Variants in FOCAD observed in about 807,000 individuals in gnomAD.
The protein encoded by FOCAD is KIAA1797.
A neutral mutation model predicts 225.6 loss-of-function variants in FOCAD; 198 were observed. The observed-to-expected ratio is 0.88, with a 90% confidence interval of 0.78 to 0.99. The LOEUF (loss-of-function observed/expected upper bound fraction) is 0.99. FOCAD is among the 50% of genes least tolerant of loss of function. The probability of loss-of-function intolerance (pLI) is 0.00; values close to 1 mark genes in which losing one functional copy is unlikely to be tolerated. For synonymous variants in FOCAD, 897 were observed against 755.0 expected, an observed-to-expected ratio of 1.19 and a Z score of -3.08; for missense variants, 2,713 against 2,123.6, an observed-to-expected ratio of 1.28 and a Z score of -5.46.
chr9:20,831,339 C>G (rs1297964517), intron 15 of FOCAD, among the ~76,000 whole-genome samples: 1 of 152,004 alleles, frequency 6.6e-6, no homozygotes, highest in African/African-American at 2.4e-5. Flanking sequence ...TCTTTCAAAC[C>G]CTGTCTGTTG....
At chr9:20,747,129 C>T (rs1450273581) in intron 5 of FOCAD, among the ~76,000 whole-genome samples, 2 of 152,108 alleles carry the variant, frequency 1.3e-5, no homozygotes, top group African/African-American at 4.8e-5. Context: ...TTAAGCTCAG[C>T]ACTCCCAACC....
chr9:20,715,826 AAT>A (rs1825287659), intron 2 of FOCAD, among the ~76,000 whole-genome samples: 1 of 152,190 alleles, frequency 6.6e-6, no homozygotes, highest in Non-Finnish European at 1.5e-5. Context: ...TAATAAGTAA[AAT>A]ATCCTGGATT....
intron 16 of FOCAD, among the ~76,000 whole-genome samples, chr9:20,863,997 G>A (rs1829013267): frequency 6.6e-6 from 1 of 151,658 alleles, no homozygotes. Flanking sequence ...CTTATACTAG[G>A]GTTCCTCTGT....
In FOCAD at chr9:20,923,714, C is replaced by T. The variant is rs746136065; in HGVS notation, c.2907C>T (p.Val969=). The change falls in exon 25 of 44, where the codon GTC becomes GTT. Residue 969 remains valine (V), a synonymous_variant. Coordinates refer to ENST00000338382, the MANE Select transcript of FOCAD (RefSeq NM_001375567.1). ...TGTTAGCTCTAAGCAGCCTTGCTGT[C>T]GTCGTATCTAGACATGAAGCCAGCC... is the stretch of plus-strand genomic sequence containing the variant. ...NALLALSSLA[V]VVSRHEASLS... 10 of 1,613,914 alleles carry T rather than the reference C, an allele frequency of 6.2e-6. No individual in the cohort carries two copies. Among genetic ancestry groups the T allele is most frequent in the South Asian group, 2.2e-5 (2 of 91,052 alleles).
chr9:20,677,669 C>A (rs922327930), intron 2 of FOCAD, among the ~76,000 whole-genome samples: 1 of 149,020 alleles, frequency 6.7e-6, no homozygotes, highest in Non-Finnish European at 1.5e-5. Context: ...TAACCTCAAA[C>A]CTGTTAGAAA....
intron 39 of FOCAD, among the ~76,000 whole-genome samples, chr9:20,983,770 T>C (rs1840919593): frequency 6.6e-6 from 1 of 152,082 alleles, no homozygotes; most frequent in Non-Finnish European, 1.5e-5. Flanking sequence ...AGTTCCCTTA[T>C]CTGTAAAGGA....
At chr9:20,909,002 G>T (rs1442192345) in intron 22 of FOCAD, among the ~76,000 whole-genome samples, 1 of 151,986 alleles carries the variant, frequency 6.6e-6, no homozygotes, top group African/African-American at 2.4e-5. Flanking sequence ...TGTTCAAAAT[G>T]CTATGGGCAC....
chr9:20,706,520 G>T (rs970262877), intron 1 of FOCAD, among the ~76,000 whole-genome samples: 3 of 152,070 alleles, frequency 2.0e-5, no homozygotes, highest in Non-Finnish European at 4.4e-5. Context: ...CAGTGATATG[G>T]AATTGTGCAG....
chr9:20,937,351 A>C (rs1424180370), intron 28 of FOCAD, among the ~76,000 whole-genome samples: 1 of 152,080 alleles, frequency 6.6e-6, no homozygotes, highest in African/African-American at 2.4e-5. Context: ...ACAGTAACCA[A>C]AACAGCATGG....
At chr9:20,741,676 CTTTTTTTTTTT>C (rs10675694) in intron 5 of FOCAD, among the ~76,000 whole-genome samples, 2 of 87,194 alleles carry the variant, frequency 2.3e-5, no homozygotes, top group Admixed American at 2.9e-4. Flanking sequence ...GGTAAATATG[CTTTTTTTTTTT>C]TTTTTTTTTT....
chr9:20,855,903 G>T, intron 15 of FOCAD, among the ~76,000 whole-genome samples: 1 of 145,220 alleles, frequency 6.9e-6, no homozygotes, highest in African/African-American at 2.5e-5. Context: ...CATCTATGTT[G>T]TTGCAAATGA....
chr9:20,656,484 A>G (rs915831802), upstream of FOCAD, among the ~76,000 whole-genome samples: 2 of 152,152 alleles, frequency 1.3e-5, no homozygotes, highest in Admixed American at 6.5e-5. Flanking sequence ...ATATATATTT[A>G]GGATAGTTAG....
chr9:20,743,760 A>G (rs1827815110), intron 5 of FOCAD, among the ~76,000 whole-genome samples: 1 of 152,138 alleles, frequency 6.6e-6, no homozygotes, highest in African/African-American at 2.4e-5. Flanking sequence ...TTGCTCAGTG[A>G]TATGGAAATA....
chr9:20,847,642 A>C (rs569885789), intron 15 of FOCAD, among the ~76,000 whole-genome samples: 2 of 152,232 alleles, frequency 1.3e-5, no homozygotes, highest in East Asian at 3.9e-4. Flanking sequence ...ATAAGAGTAC[A>C]TAAGATATCC....
chr9:20,913,294 T>C (rs1209718716), intron 23 of FOCAD, among the ~76,000 whole-genome samples: 1 of 152,070 alleles, frequency 6.6e-6, no homozygotes, highest in Non-Finnish European at 1.5e-5. Context: ...ACTCTGTTCA[T>C]TGCTTTCCTA....
chr9:20,687,425 G>C (rs1416834460), intron 1 of FOCAD, among the ~76,000 whole-genome samples: 1 of 152,098 alleles, frequency 6.6e-6, no homozygotes, highest in Non-Finnish European at 1.5e-5. Context: ...GTTTTATGAA[G>C]TTTTTTTGGT....
chr9:20,773,690 G>A (rs1818461055), intron 8 of FOCAD, among the ~76,000 whole-genome samples: 1 of 152,220 alleles, frequency 6.6e-6, no homozygotes, highest in Middle Eastern at 3.4e-3. Flanking sequence ...ACTGTAATAT[G>A]TTTTGGGGTA....
chr9:20,882,647 G>A (rs992474278), intron 20 of FOCAD, among the ~76,000 whole-genome samples: 8 of 152,200 alleles, frequency 5.3e-5, no homozygotes, highest in African/African-American at 1.4e-4. Context: ...GCTGGAATCT[G>A]AGCATTCAGC....
At chr9:20,708,659 C>T (rs1310727581) in intron 1 of FOCAD, among the ~76,000 whole-genome samples, 1 of 152,010 alleles carries the variant, frequency 6.6e-6, no homozygotes, top group Non-Finnish European at 1.5e-5. Flanking sequence ...CCTGTAGTCC[C>T]AGCTACTTGG....
Sources: gnomAD v4.1 joint callset for allele counts (sites outside exome capture counted in the v4.1 genomes callset) on GRCh38, gnomAD v4.1.1 for gene constraint, MANE v1.5 for transcripts, NCBI Gene and HGNC (gene_info 2026-07-23, HGNC 2026-07-21) for gene names.